Variants in CDYL observed in about 807,000 individuals in gnomAD.
CDYL encodes the protein chromodomain Y-like protein.
CDYL carries 8 observed loss-of-function variants against 47.3 expected under a neutral mutation model. The observed-to-expected ratio is 0.17, with a 90% CI of 0.10 to 0.31. CDYL has a LOEUF of 0.31. Among genes scored for constraint, CDYL ranks in the 10% least tolerant of loss-of-function variants. CDYL has a pLI of 1.00. For missense variants in CDYL, 471 were observed against 701.4 expected (o/e 0.67, Z 3.71); for synonymous variants, 266 against 265.0 (o/e 1.00, Z -0.04).
At position 4,939,863 on chromosome 6, in the gene CDYL, T is replaced by C. The variant is rs550655499; in HGVS notation, c.1121+2126T>C. ...TATCACGCTGAATGTACACATAATA[T>C]TGTGCTTTTTGGTAGCTCTGCGGTC... On this transcript the variant is annotated intron_variant, in intron 4 of 6. Coordinates refer to ENST00000397588, the MANE Select transcript of CDYL (RefSeq NM_004824.4). Among the ~76,000 whole-genome samples the C allele has an allele frequency of 2.6e-4, 40 of 152,364 alleles. No individual in the cohort carries two copies. In the South Asian group the frequency reaches 7.9e-3, roughly 30 times the overall value.
intron 1 of CDYL, among the ~76,000 whole-genome samples, chr6:4,886,935 A>T (rs1007007704): frequency 3.9e-5 from 6 of 152,172 alleles, no homozygotes; most frequent in African/African-American, 1.4e-4. Flanking sequence ...TTGTCCCAAG[A>T]TTATTTGTTA....
chr6:4,737,786 G>A (rs13219499), intron 3 of CDYL, among the ~76,000 whole-genome samples: 30,321 of 151,998 alleles, frequency 0.2, 3,091 homozygotes, highest in Admixed American at 0.22. Context: ...TGGCCTCCCA[G>A]AGTGCTGGGA....
intron 1 of CDYL, among the ~76,000 whole-genome samples, chr6:4,779,302 C>T (rs532114395): frequency 3.0e-4 from 46 of 152,284 alleles, no homozygotes; most frequent in African/African-American, 1.1e-3. Context: ...TGTTTGGCCT[C>T]AGGCTCCACA....
Position 4,852,034 on chromosome 6 carries a change from C to G in CDYL, c.25-39679C>G, listed in dbSNP as rs190407057. ...TGGTGTGTGTAATTTATTTCTCTTTCCCTTGCTCTTCTGTAAAGCGATGGC... is the reference window on the plus strand; with the variant it reads ...TGGTGTGTGTAATTTATTTCTCTTTGCCTTGCTCTTCTGTAAAGCGATGGC... On this transcript the variant is annotated intron_variant, in intron 1 of 6. Coordinates refer to ENST00000397588, the MANE Select transcript of CDYL (RefSeq NM_004824.4). 1.3e-4 allele frequency among the ~76,000 whole-genome samples: 20 copies of G among 152,170 alleles called. No homozygotes were observed. In the East Asian group the frequency reaches 3.9e-3, roughly 29 times the overall value.
At chr6:4,807,342 C>T (rs1759398667) in intron 1 of CDYL, among the ~76,000 whole-genome samples, 1 of 152,074 alleles carries the variant, frequency 6.6e-6, no homozygotes, top group African/African-American at 2.4e-5. Context: ...CAAGTTTTTC[C>T]ACCATAAAGT....
At chr6:4,833,832 C>A (rs997623403) in intron 1 of CDYL, among the ~76,000 whole-genome samples, 3 of 151,918 alleles carry the variant, frequency 2.0e-5, no homozygotes, top group African/African-American at 7.3e-5. Context: ...ATGTAATGGC[C>A]TTCTTTGTCT....
At chr6:4,718,569 T>G (rs910604464) in intron 2 of CDYL, 4 of 152,220 alleles carry the variant, frequency 2.6e-5, no homozygotes, top group African/African-American at 9.6e-5. Flanking sequence ...TGAACCACCA[T>G]GCTCGGCCCC....
At chr6:4,777,377 G>A (rs1758498498) in intron 1 of CDYL, among the ~76,000 whole-genome samples, 1 of 152,152 alleles carries the variant, frequency 6.6e-6, no homozygotes, top group Non-Finnish European at 1.5e-5. Context: ...TAAATTTAAC[G>A]CTGATACACC....
intron 2 of CDYL, among the ~76,000 whole-genome samples, chr6:4,928,100 A>T (rs1249505926): frequency 6.6e-6 from 1 of 152,160 alleles, no homozygotes; most frequent in Non-Finnish European, 1.5e-5. Context: ...TATTTCACTC[A>T]TTATTCTTTT....
intron 5 of CDYL, among the ~76,000 whole-genome samples, chr6:4,950,282 A>G (rs1758657060): frequency 6.6e-6 from 1 of 152,180 alleles, no homozygotes; most frequent in African/African-American, 2.4e-5. Context: ...AACCGCAGAC[A>G]CCAGGCCTGG....
At chr6:4,899,690 C>T (rs1756959716) in intron 2 of CDYL, among the ~76,000 whole-genome samples, 1 of 152,238 alleles carries the variant, frequency 6.6e-6, no homozygotes. Context: ...AGAGTTCTTT[C>T]TGCATCTGTT....
chr6:4,782,728 G>A (rs1345385597), intron 1 of CDYL, among the ~76,000 whole-genome samples: 1 of 152,148 alleles, frequency 6.6e-6, no homozygotes, highest in Non-Finnish European at 1.5e-5. Context: ...TTCTCAGAGG[G>A]ATATAGGACC....
chr6:4,891,886 C>G lies in CDYL; in HGVS notation c.198C>G (p.Ser66Arg). Reference protein sequence around the residue: ...NRRHTEKQKESTLTRTNRTSP... With the variant: ...NRRHTEKQKERTLTRTNRTSP... ...GCCACACGGAGAAGCAGAAGGAGAG[C>G]ACATTGACCAGAACAAACAGGACCT... The change falls in exon 2 of 7, where the codon AGC (serine) becomes AGG (arginine). Residue 66 changes from serine (S) to arginine (R), a missense_variant. By Grantham distance (110) the Ser-to-Arg change is moderately radical. Transcript: ENST00000397588. The G allele has an allele frequency of 6.2e-7, 1 of 1,614,144 alleles. No individual in the cohort carries two copies. The highest frequency in any genetic ancestry group is 8.5e-7 in the Non-Finnish European group (1 of 1,180,028).
At position 4,891,823 on chromosome 6, in the gene CDYL, C is replaced by T. The variant is rs775701266; in HGVS notation, c.135C>T (p.Leu45=). ...EDDTWEPEQH[L]VNCEEYIHDF... ...ACACTTGGGAGCCGGAACAGCACCT[C>T]GTGAACTGTGAGGAATACATCCACG... The change falls in exon 2 of 7, where the codon CTC becomes CTT. Residue 45 remains leucine, a synonymous_variant. Transcript: ENST00000397588. 1.3e-5 allele frequency: 21 copies of T among 1,614,062 alleles called. 1 individual carries two copies. The highest frequency in any genetic ancestry group is 6.6e-5 in the South Asian group (6 of 91,074).
intron 3 of CDYL, among the ~76,000 whole-genome samples, chr6:4,752,995 G>A (rs528894430): frequency 1.6e-4 from 25 of 152,018 alleles, no homozygotes; most frequent in South Asian, 4.2e-4. Context: ...TTGGCTCACC[G>A]CAGCCTCAAC....
At chr6:4,869,198 C>T (rs554065438) in intron 1 of CDYL, among the ~76,000 whole-genome samples, 63 of 151,888 alleles carry the variant, frequency 4.1e-4, no homozygotes, top group African/African-American at 1.4e-3. Flanking sequence ...TGGGTTCAAG[C>T]GATTCTCCTG....
intron 1 of CDYL, among the ~76,000 whole-genome samples, chr6:4,811,008 GAGC>G (rs1581181752): frequency 1.3e-5 from 2 of 152,320 alleles, no homozygotes; most frequent in East Asian, 3.9e-4. Flanking sequence ...AATAGAGAAA[GAGC>G]TTGTCAATGC....
intron 3 of CDYL, among the ~76,000 whole-genome samples, chr6:4,769,819 C>T (rs1490471124): frequency 1.3e-5 from 2 of 152,178 alleles, no homozygotes; most frequent in East Asian, 1.9e-4. Flanking sequence ...TTTTTTGAGA[C>T]GGAGTCTCGC....
chr6:4,892,556 T>A (rs1466455386), intron 2 of CDYL, among the ~76,000 whole-genome samples, 177 bp downstream of exon 2: 2 of 152,348 alleles, frequency 1.3e-5, no homozygotes, highest in African/African-American at 4.8e-5. Context: ...TTCTCTTAAT[T>A]CGGCAACTAG....
Sources: gnomAD v4.1 joint callset for allele counts (sites outside exome capture counted in the v4.1 genomes callset) on GRCh38, gnomAD v4.1.1 for gene constraint, MANE v1.5 for transcripts, NCBI Gene and HGNC (gene_info 2026-07-23, HGNC 2026-07-21) for gene names.